The following CNGA1 variants were observed in gnomAD, a reference collection of about 807,000 sequenced individuals.
The protein encoded by CNGA1 is cyclic nucleotide-gated channel alpha-1.
CNGA1 carries 53 observed loss-of-function variants against 69.7 expected under a neutral mutation model. That is an observed-to-expected ratio of 0.76 (90% confidence interval 0.61 to 0.96). The LOEUF is 0.96. Among genes scored for constraint, CNGA1 ranks in the 40% least tolerant of loss-of-function variants. The probability of loss-of-function intolerance (pLI) is 0.00; values close to 1 mark genes in which losing one functional copy is unlikely to be tolerated. For synonymous variants in CNGA1, 249 were observed against 283.5 expected (o/e 0.88, Z 1.22); for missense variants, 739 against 811.2 (o/e 0.91, Z 1.08).
Position 47,936,146 on chromosome 4 carries a change from C to T in CNGA1, c.*275G>A, listed in dbSNP as rs893999881. On this transcript the variant is annotated 3_prime_UTR_variant, in exon 11 of 11. Coordinates refer to ENST00000514170, the MANE Select transcript of CNGA1 (RefSeq NM_001379270.1). ...TATGAAGAATATTACATAAAATGAGCGTATGTGAAAAAATCAGAAAATACA... is the reference window on the plus strand; with the variant it reads ...TATGAAGAATATTACATAAAATGAGTGTATGTGAAAAAATCAGAAAATACA... The T allele has an allele frequency of 1.0e-5, 5 of 490,910 alleles. No homozygotes were observed. Among genetic ancestry groups the T allele is most frequent in the South Asian group, 2.6e-5 (1 of 39,084 alleles). 30.4% of individuals were successfully genotyped at this position (490,910 alleles called of 1,614,324 possible).
At chr4:48,001,723 T>C (rs981450802) in intron 2 of CNGA1, among the ~76,000 whole-genome samples, 1 of 152,158 alleles carries the variant, frequency 6.6e-6, no homozygotes, top group South Asian at 2.1e-4. Flanking sequence ...ACCCAGCAAC[T>C]GCAGAATACA....
chr4:47,994,533 A>G (rs1395681672), intron 2 of CNGA1, among the ~76,000 whole-genome samples: 1 of 151,660 alleles, frequency 6.6e-6, no homozygotes, highest in Non-Finnish European at 1.5e-5. Flanking sequence ...GTCTTTTTCC[A>G]CCCCTTTATC....
chr4:48,016,443 C>T (rs532808929), intron 1 of CNGA1, 40 bp downstream of exon 1: 2 of 229,908 alleles, frequency 8.7e-6, no homozygotes, highest in Non-Finnish European at 1.7e-5. Flanking sequence ...CAGAAGGGGG[C>T]CTCAGTGCAG....
chr4:48,001,257 GGAGTTC>G (rs1714653013), intron 2 of CNGA1, among the ~76,000 whole-genome samples: 1 of 152,194 alleles, frequency 6.6e-6, no homozygotes, highest in Admixed American at 6.5e-5. Flanking sequence ...CTTGAGGTCA[GGAGTTC>G]GAGACCAGCC....
intron 2 of CNGA1, among the ~76,000 whole-genome samples, chr4:48,008,609 TC>T (rs145468549): frequency 0.18 from 26,678 of 152,172 alleles, 2,520 homozygotes; most frequent in Middle Eastern, 0.24. Flanking sequence ...CAAGTATTTA[TC>T]CCATTACATC....
intron 4 of CNGA1, among the ~76,000 whole-genome samples, chr4:47,951,796 G>A (rs1358861300): frequency 1.3e-5 from 2 of 152,116 alleles, no homozygotes; most frequent in Non-Finnish European, 2.9e-5. Flanking sequence ...TTATACCTTT[G>A]TGTGAACTAG....
intron 2 of CNGA1, among the ~76,000 whole-genome samples, chr4:48,004,981 G>A (rs960038792): frequency 6.6e-6 from 1 of 152,128 alleles, no homozygotes; most frequent in Non-Finnish European, 1.5e-5. Flanking sequence ...AATAAAAGTT[G>A]AAAAACATTA....
chr4:47,940,762 C>G lies in CNGA1; in HGVS notation c.652+1G>C. 1 of 1,555,104 alleles carries G rather than the reference C, an allele frequency of 6.4e-7. No homozygotes were observed. Among genetic ancestry groups the G allele is most frequent in the Non-Finnish European group, 8.9e-7 (1 of 1,127,126 alleles). ...AAATATTCAAAACTGAACATATTTA[C>G]CTGTCCTTGTTCGTACAAACATATC... On this transcript the variant is annotated splice_donor_variant, in intron 10 of 10. Transcript: ENST00000514170. LOFTEE classifies it high-confidence loss of function.
intron 3 of CNGA1, among the ~76,000 whole-genome samples, chr4:47,962,694 C>T (rs73147951): frequency 0.01 from 1,574 of 152,246 alleles, 19 homozygotes; most frequent in African/African-American, 0.035. Context: ...AAACTCTATG[C>T]TTTTAACTTC....
rs545964233 is a variant in CNGA1 at position 47,982,677 on chromosome 4, G to A, written c.-122-1177C>T. Among the ~76,000 whole-genome samples the A allele has an allele frequency of 4.9e-4, 74 of 151,342 alleles. 1 individual carries two copies. Among genetic ancestry groups the A allele is most frequent in the African/African-American group, 1.4e-3 (58 of 41,254 alleles). On this transcript the variant is annotated intron_variant, in intron 2 of 10. Coordinates refer to ENST00000514170, the MANE Select transcript of CNGA1 (RefSeq NM_001379270.1). ...ATTATATTATGATAATATTTATATC[G>A]CTAAATATCTATCTAATGCGTTCTT...
At chr4:47,966,385 C>G (rs1380594144) in intron 3 of CNGA1, among the ~76,000 whole-genome samples, 2 of 152,072 alleles carry the variant, frequency 1.3e-5, no homozygotes, top group African/African-American at 2.4e-5. Flanking sequence ...ACACACAAAC[C>G]CACACATAAT....
chr4:47,986,876 T>C (rs1191282342), intron 2 of CNGA1, among the ~76,000 whole-genome samples: 1 of 152,154 alleles, frequency 6.6e-6, no homozygotes, highest in Non-Finnish European at 1.5e-5. Flanking sequence ...GATTATCTTT[T>C]TGCTGAAATT....
Position 47,936,110 on chromosome 4 carries a change from T to C in CNGA1, c.*311A>G, listed in dbSNP as rs1340861152. On this transcript the variant is annotated 3_prime_UTR_variant, in exon 11 of 11. Transcript: ENST00000514170. ...GAAATGGCATGAAAGTGAGGGCTAC[T>C]TATTCATTTTTATGAAGAATATTAC... is the stretch of plus-strand genomic sequence containing the variant. 5.1e-6 allele frequency: 2 copies of C among 394,492 alleles called. No individual in the cohort carries two copies. The highest frequency in any genetic ancestry group is 9.2e-6 in the Non-Finnish European group (2 of 217,484). The allele number at this position is 394,492 out of a possible 1,614,324, so 24.4% of individuals were successfully genotyped here.
intron 10 of CNGA1, among the ~76,000 whole-genome samples, chr4:47,939,182 CA>C (rs1427025415): frequency 6.6e-6 from 1 of 152,140 alleles, no homozygotes; most frequent in Non-Finnish European, 1.5e-5. Context: ...ACTTTTACCC[CA>C]ACCTCCTTCA....
At chr4:47,977,700 C>CT (rs879924511) in intron 3 of CNGA1, among the ~76,000 whole-genome samples, 6 of 152,048 alleles carry the variant, frequency 3.9e-5, no homozygotes, top group Non-Finnish European at 7.4e-5. Context: ...TATACAGTGC[C>CT]TTATACAGGT....
intron 3 of CNGA1, among the ~76,000 whole-genome samples, chr4:47,958,776 C>T (rs191160984): frequency 2.6e-5 from 4 of 152,184 alleles, no homozygotes; most frequent in African/African-American, 7.2e-5. Context: ...GTGAGCTCTT[C>T]GGAAAAGTTC....
Position 47,936,232 on chromosome 4 carries a change from A to G in CNGA1, c.*189T>C, listed in dbSNP as rs565071712. ...ATTATCAGTTGTGAAAAATCCCAAGATATAAAGCTTTTTTAATCATAGTAT... is the reference window on the plus strand; with the variant it reads ...ATTATCAGTTGTGAAAAATCCCAAGGTATAAAGCTTTTTTAATCATAGTAT... On this transcript the variant is annotated 3_prime_UTR_variant, in exon 11 of 11. Coordinates refer to ENST00000514170, the MANE Select transcript of CNGA1 (RefSeq NM_001379270.1). 18 of 624,250 alleles carry G rather than the reference A, an allele frequency of 2.9e-5. No individual in the cohort carries two copies. The highest frequency in any genetic ancestry group is 4.2e-5 in the Non-Finnish European group (15 of 357,460). 38.7% of individuals were successfully genotyped at this position (624,250 alleles called of 1,614,324 possible).
At chr4:47,947,786 G>A (rs1166420126) in intron 6 of CNGA1, among the ~76,000 whole-genome samples, 1 of 152,240 alleles carries the variant, frequency 6.6e-6, no homozygotes, top group African/African-American at 2.4e-5. Context: ...GACCTGGATG[G>A]AAAACGATGG....
chr4:48,011,070 G>T (rs1715138375), intron 1 of CNGA1, among the ~76,000 whole-genome samples, 177 bp from the exon 2 acceptor site: 1 of 152,136 alleles, frequency 6.6e-6, no homozygotes, highest in African/African-American at 2.4e-5. Context: ...GGCAGCAGAT[G>T]GCTATTTCTT....
Sources: gnomAD v4.1 joint callset for allele counts (sites outside exome capture counted in the v4.1 genomes callset) on GRCh38, gnomAD v4.1.1 for gene constraint, MANE v1.5 for transcripts, NCBI Gene and HGNC (gene_info 2026-07-23, HGNC 2026-07-21) for gene names.